Variants in NDC1 observed in about 807,000 individuals in gnomAD.
NDC1 encodes NDC1 transmembrane nucleoporin, also known as nucleoporin NDC1.
NDC1 carries 24 observed loss-of-function variants against 89.8 expected under a neutral mutation model. The ratio of observed to expected loss-of-function variants is 0.27; its 90% CI spans 0.19 to 0.38. The LOEUF (loss-of-function observed/expected upper bound fraction) is 0.38, where lower values mean the gene tolerates loss of function less well. Ranked by LOEUF, NDC1 falls within the 10% of genes least tolerant of loss-of-function variation. The pLI is 1.00. For synonymous variants in NDC1, 296 were observed against 284.8 expected, an observed-to-expected ratio of 1.04 and a Z score of -0.39; for missense variants, 728 against 797.6, an observed-to-expected ratio of 0.91 and a Z score of 1.05.
intron 16 of NDC1, among the ~76,000 whole-genome samples, chr1:53,772,691 CATAACATAA>C (rs1647126438): frequency 6.6e-6 from 1 of 150,904 alleles, no homozygotes; most frequent in Non-Finnish European, 1.5e-5. Context: ...CATAACATAA[CATAACATAA>C]CATAACATAA....
In NDC1 at chr1:53,803,847, A is replaced by G. The variant is rs369789330; in HGVS notation, c.1066+81T>C. 4.9e-5 allele frequency: 52 copies of G among 1,066,458 alleles called. No individual in the cohort carries two copies. In the East Asian group the frequency reaches 1.1e-3, roughly 22 times the overall value. The allele number at this position is 1,066,458 out of a possible 1,614,324, so 66.1% of individuals were successfully genotyped here. On this transcript the variant is annotated intron_variant, in intron 10 of 17. Transcript: ENST00000371429. ...CGGCCTCCCAAAGTGCTGGGATTAC[A>G]GGCTTGAGCCACCATGCCTGGCCAA...
intron 16 of NDC1, among the ~76,000 whole-genome samples, chr1:53,785,245 C>T (rs896907704): frequency 6.6e-6 from 1 of 152,184 alleles, no homozygotes; most frequent in South Asian, 2.1e-4. Flanking sequence ...GTTGTTTTAA[C>T]TACACTGCCA....
At position 53,824,866 on chromosome 1, in the gene NDC1, G is replaced by T. The variant is rs192335340; in HGVS notation, c.594+932C>A. ...ACTTGCACATCCCCAAACTCACAAG[G>T]TTCTAAGTTCAAAAAGAAGCCAGCA... On this transcript the variant is annotated intron_variant, in intron 5 of 17. Transcript: ENST00000371429. Among the ~76,000 whole-genome samples the T allele has an allele frequency of 4.4e-3, 668 of 152,224 alleles. 1 individual carries two copies. The highest frequency in any genetic ancestry group is 7.6e-3 in the Non-Finnish European group (514 of 68,014).
chr1:53,794,288 T>C (rs1647622147), intron 13 of NDC1, among the ~76,000 whole-genome samples: 1 of 152,238 alleles, frequency 6.6e-6, no homozygotes, highest in Admixed American at 6.5e-5. Context: ...AGTAGTTTTC[T>C]ACTAGTTGAC....
chr1:53,818,876 T>C, intron 6 of NDC1, 95 bp downstream of exon 6: 1 of 623,284 alleles, frequency 1.6e-6, no homozygotes, highest in Non-Finnish European at 2.8e-6. Context: ...TACCTATAAC[T>C]GTAGAAAACA....
intron 16 of NDC1, among the ~76,000 whole-genome samples, chr1:53,780,175 C>T (rs762683676): frequency 3.9e-5 from 6 of 152,126 alleles, no homozygotes; most frequent in South Asian, 2.1e-4. Context: ...CAGGTTCAAG[C>T]GATTCTCCCA....
intron 3 of NDC1, among the ~76,000 whole-genome samples, chr1:53,829,802 G>C (rs1044190004): frequency 1.3e-5 from 2 of 152,200 alleles, no homozygotes; most frequent in African/African-American, 2.4e-5. Context: ...GTGGCTGTAA[G>C]CCAAGGAGTT....
At chr1:53,804,912 T>C (rs979666270) in intron 9 of NDC1, among the ~76,000 whole-genome samples, 2 of 152,166 alleles carry the variant, frequency 1.3e-5, no homozygotes, top group African/African-American at 4.8e-5. Context: ...TCCCAATGTA[T>C]TTGCCACAGT....
Position 53,806,434 on chromosome 1 carries a change from G to A in NDC1, c.975C>T (p.Pro325=), listed in dbSNP as rs766872115. The change falls in exon 9 of 18, where the codon CCC becomes CCT. Residue 325 remains proline (P), a synonymous_variant. Transcript: ENST00000371429. ...LPKVLNSNPP[P]IIKYLALQDL... is the part of the protein sequence containing the mutation. ...AACACAGTTTGGATACCTTTATGAT[G>A]GGGGGAGGATTGCTATTTAACACTT... 3 of 1,533,456 alleles carry A rather than the reference G, an allele frequency of 2.0e-6. No individual in the cohort carries two copies. The highest frequency in any genetic ancestry group is 2.6e-6 in the Non-Finnish European group (3 of 1,148,192). The allele number at this position is 1,533,456 out of a possible 1,614,324, so 95.0% of individuals were successfully genotyped here. A position where few individuals can be genotyped will look rare whatever the true frequency, so the allele number is the denominator to read the frequency against.
chr1:53,828,681 G>C (rs1648957067), intron 3 of NDC1, among the ~76,000 whole-genome samples: 1 of 151,830 alleles, frequency 6.6e-6, no homozygotes, highest in African/African-American at 2.4e-5. Flanking sequence ...GCGCAATCTT[G>C]GCTCACTGCA....
intron 16 of NDC1, among the ~76,000 whole-genome samples, chr1:53,773,820 T>A (rs991038052): frequency 1.3e-5 from 2 of 152,040 alleles, no homozygotes; most frequent in Non-Finnish European, 2.9e-5. Context: ...CACCCACAAC[T>A]CCCCCAGACT....
chr1:53,781,286 G>A (rs955092986), intron 16 of NDC1, among the ~76,000 whole-genome samples: 1 of 152,132 alleles, frequency 6.6e-6, no homozygotes, highest in African/African-American at 2.4e-5. Flanking sequence ...CACTGATAAA[G>A]GAAATAACTA....
intron 2 of NDC1, among the ~76,000 whole-genome samples, chr1:53,833,371 A>G (rs1285505068): frequency 6.6e-6 from 1 of 152,054 alleles, no homozygotes; most frequent in Non-Finnish European, 1.5e-5. Context: ...CCTGACCTCA[A>G]GTAATTCACC....
At chr1:53,816,728 T>A (rs1318075511) in intron 6 of NDC1, among the ~76,000 whole-genome samples, 1 of 149,032 alleles carries the variant, frequency 6.7e-6, no homozygotes, top group Non-Finnish European at 1.5e-5. Context: ...GACAAAGGAC[T>A]AATATCTGGA....
chr1:53,784,408 A>G (rs1647256147), intron 16 of NDC1, among the ~76,000 whole-genome samples: 1 of 151,916 alleles, frequency 6.6e-6, no homozygotes, highest in Non-Finnish European at 1.5e-5. Flanking sequence ...AGCAATCCCA[A>G]CACTTTGGGA....
chr1:53,834,522 G>A (rs548041571), intron 2 of NDC1, among the ~76,000 whole-genome samples: 25 of 152,266 alleles, frequency 1.6e-4, no homozygotes, highest in African/African-American at 5.1e-4. Flanking sequence ...TGTGAAAAAC[G>A]AAATTAAAAA....
intron 9 of NDC1, 110 bp from the exon 10 acceptor site, chr1:53,804,119 C>T: frequency 1.3e-6 from 1 of 793,040 alleles, no homozygotes; most frequent in South Asian, 1.8e-5. Flanking sequence ...TAAACTTTTT[C>T]ATGAAAAAAA....
Position 53,793,187 on chromosome 1 carries a change from T to C in NDC1, c.1635+42A>G, listed in dbSNP as rs531940016. ...CTGCTACTTTATTTCATATTTCATT[T>C]CCTCCCTCCCCATTCCCAACGCTAT... On this transcript the variant is annotated intron_variant, in intron 14 of 17. Coordinates refer to ENST00000371429, the MANE Select transcript of NDC1 (RefSeq NM_018087.5). The C allele has an allele frequency of 2.6e-5, 38 of 1,460,490 alleles. No homozygotes were observed. The South Asian group carries it at 3.9e-4, about 15-fold the overall frequency. The allele number at this position is 1,460,490 out of a possible 1,614,324, so 90.5% of individuals were successfully genotyped here.
chr1:53,801,175 G>C (rs1647901589), intron 10 of NDC1, among the ~76,000 whole-genome samples: 1 of 151,236 alleles, frequency 6.6e-6, no homozygotes, highest in Admixed American at 6.6e-5. Flanking sequence ...AGAAAGACCA[G>C]GGTTACTTCA....
Sources: gnomAD v4.1 joint callset for allele counts (sites outside exome capture counted in the v4.1 genomes callset) on GRCh38, gnomAD v4.1.1 for gene constraint, MANE v1.5 for transcripts, NCBI Gene and HGNC (gene_info 2026-07-23, HGNC 2026-07-21) for gene names.